RP1L1: variants seen among roughly 807,000 people sequenced by gnomAD.
RP1L1 encodes retinitis pigmentosa 1-like 1 protein.
A neutral mutation model predicts 15.7 loss-of-function variants in RP1L1; 27 were observed. The ratio of observed to expected loss-of-function variants is 1.72; its 90% confidence interval spans 1.27 to 2.38. RP1L1 has a LOEUF of 2.38. Among genes scored for constraint, RP1L1 ranks in the 30% most tolerant of loss-of-function variants. RP1L1 has a pLI of 0.00. For synonymous variants in RP1L1, 1,813 were observed against 1,276.7 expected (o/e 1.42, Z -8.96); for missense variants, 4,798 against 3,075.9 (o/e 1.56, Z -13.24).
At position 10,608,423 on chromosome 8, in the gene RP1L1, G is replaced by T; in HGVS notation, c.5675C>A (p.Thr1892Asn). 1.9e-6 allele frequency: 3 copies of T among 1,606,064 alleles called. No individual in the cohort carries two copies. Among genetic ancestry groups the T allele is most frequent in the East Asian group, 2.2e-5 (1 of 44,506 alleles). The change falls in exon 4 of 4, where the codon ACC (threonine) becomes AAC (asparagine). Residue 1892 changes from threonine (T) to asparagine (N), a missense_variant. Coordinates refer to ENST00000382483, the MANE Select transcript of RP1L1 (RefSeq NM_178857.6). ...EAQPESEDVE[T>N]PEAEWEVQPE... ...CTGGACCTCCCATTCTGCCTCTGGG[G>T]TCTCTACATCTTCTGACTCTGGCTG... is the stretch of plus-strand genomic sequence containing the variant.
In RP1L1 at chr8:10,608,998, G is replaced by A. The variant is rs1035389036; in HGVS notation, c.5100C>T (p.His1700=). ...CCACCTCTGCTGCCTCCCCATCAGTGTGTTCTCCCCTCTTCCTCTGCAGAA... is the reference window on the plus strand; with the variant it reads ...CCACCTCTGCTGCCTCCCCATCAGTATGTTCTCCCCTCTTCCTCTGCAGAA... ...QQILQRKRGE[H]TDGEAAEVAP... Residue 1700 remains histidine, a synonymous_variant, in exon 4 of 4, where the codon CAC becomes CAT. Transcript: ENST00000382483. 2.5e-6 allele frequency: 4 copies of A among 1,613,296 alleles called. No individual in the cohort carries two copies. The highest frequency in any genetic ancestry group is 1.7e-4 in the Middle Eastern group (1 of 6,058).
chr8:10,607,342 GC>G lies in RP1L1; in HGVS notation c.6755del (p.Ser2252ThrfsTer6), dbSNP rs1797721623. 6.2e-7 allele frequency: 1 copy of G among 1,614,154 alleles called. No individual in the cohort carries two copies. The highest frequency in any genetic ancestry group is 1.6e-4 in the Middle Eastern group (1 of 6,062). ...GGCCATCTCCTAGACTGACCTGAGG[GC>G]TCCCCTTTTTCTCACCTTGAGTTTC... ...EGETQGEKKG[S>X]PQVSLGDGQS... On this transcript the variant is annotated frameshift_variant, in exon 4 of 4. Transcript: ENST00000382483. LOFTEE classifies it low-confidence loss of function (END_TRUNC).
intron 2 of RP1L1, among the ~76,000 whole-genome samples, chr8:10,619,125 C>T (rs1798018485): frequency 1.3e-5 from 2 of 152,220 alleles, no homozygotes; most frequent in Non-Finnish European, 1.5e-5. Context: ...CTGCCTCGGC[C>T]TCCCAAAGTG....
chr8:10,612,557 C>CTG lies in RP1L1; in HGVS notation c.1540_1541insCA (p.Gly514AlafsTer9), dbSNP rs1797884786. ...TGTCAGGCGGCCGCCTTGCTCTGGG[C>CTG]CGCCCAGCCCTGCTCCATCTATGCA... On this transcript the variant is annotated frameshift_variant, in exon 4 of 4. Coordinates refer to ENST00000382483, the MANE Select transcript of RP1L1 (RefSeq NM_178857.6). LOFTEE classifies it low-confidence loss of function (END_TRUNC). The CTG allele has an allele frequency of 1.2e-6, 2 of 1,608,580 alleles. No individual in the cohort carries two copies. Among genetic ancestry groups the CTG allele is most frequent in the Non-Finnish European group, 1.7e-6 (2 of 1,179,568 alleles).
chr8:10,632,227 C>G (rs1393670722), intron 1 of RP1L1, among the ~76,000 whole-genome samples: 1 of 152,198 alleles, frequency 6.6e-6, no homozygotes, highest in Admixed American at 6.5e-5. Flanking sequence ...GGGAAATCCC[C>G]CATTTTCCCT....
chr8:10,611,091 G>C lies in RP1L1; in HGVS notation c.3007C>G (p.Leu1003Val). 6.2e-7 allele frequency: 1 copy of C among 1,612,878 alleles called. No homozygotes were observed. Among genetic ancestry groups the C allele is most frequent in the Non-Finnish European group, 8.5e-7 (1 of 1,180,004 alleles). Residue 1003 changes from leucine (L) to valine (V), a missense_variant, in exon 4 of 4, where the codon CTG becomes GTG. Coordinates refer to ENST00000382483, the MANE Select transcript of RP1L1 (RefSeq NM_178857.6). ...TGTCCCGCCTGAGCTGGCTCCCCCA[G>C]GCCTTCCAGAGAATGGTCATCCCCA... ...DPGDDHSLEG[L>V]GEPAQAGQQS...
chr8:10,623,446 G>C (rs1472770071), intron 1 of RP1L1, among the ~76,000 whole-genome samples: 1 of 152,148 alleles, frequency 6.6e-6, no homozygotes, highest in Non-Finnish European at 1.5e-5. Flanking sequence ...GAGCTCAGGA[G>C]TTTGAGGCTG....
chr8:10,610,933 A>G lies in RP1L1; in HGVS notation c.3165T>C (p.Pro1055=), dbSNP rs202226404. The change falls in exon 4 of 4, where the codon CCT becomes CCC. Residue 1055 remains proline (P), a synonymous_variant. Transcript: ENST00000382483. Reference sequence around the variant, plus strand: ...CCTCTCTGTCTGCTCCGGCCTCTGCAGGGGCCTCGGAAACTCCCTCTGGAG... The same window carrying G: ...CCTCTCTGTCTGCTCCGGCCTCTGCGGGGGCCTCGGAAACTCCCTCTGGAG... ...GAAPEGVSEA[P]AEAGADREAP... 15 of 1,611,238 alleles carry G rather than the reference A, an allele frequency of 9.3e-6. No individual in the cohort carries two copies. The East Asian group carries it at 3.3e-4, about 36-fold the overall frequency.
At chr8:10,650,268 C>T (rs1037744483) in intron 1 of RP1L1, among the ~76,000 whole-genome samples, 25 of 152,150 alleles carry the variant, frequency 1.6e-4, no homozygotes, top group Admixed American at 5.2e-4. Flanking sequence ...TCTTACTAGA[C>T]AGGAAAACAA....
In RP1L1 at chr8:10,610,012, T is replaced by G. The variant is rs771371350; in HGVS notation, c.4086A>C (p.Thr1362=). The G allele has an allele frequency of 2.5e-6, 4 of 1,580,748 alleles. No individual in the cohort carries two copies. The highest frequency in any genetic ancestry group is 3.6e-5 in the Admixed American group (2 of 56,334). Residue 1362 remains threonine, a synonymous_variant, in exon 4 of 4, where the codon ACA becomes ACC. Transcript: ENST00000382483. ...EEAQLEEIEE[T]GGEGLQEEGV... ...CCTCTTCTTGCAGCCCTTCTCCTCC[T>G]GTTTCTTCAATTTCCTCTAACTGCG...
intron 1 of RP1L1, among the ~76,000 whole-genome samples, chr8:10,636,121 C>T (rs1308278755): frequency 1.3e-5 from 2 of 152,240 alleles, no homozygotes; most frequent in Non-Finnish European, 2.9e-5. Context: ...TCAGTTCCCT[C>T]ATCTGTCAAA....
intron 2 of RP1L1, among the ~76,000 whole-genome samples, chr8:10,622,218 G>C (rs1798070723): frequency 6.6e-6 from 1 of 151,930 alleles, no homozygotes; most frequent in East Asian, 1.9e-4. Flanking sequence ...CTACTCAGAG[G>C]CTGAGACAGG....
Position 10,631,076 on chromosome 8 carries a change from T to G in RP1L1, c.-19-7856A>C, listed in dbSNP as rs1311348761. Among the ~76,000 whole-genome samples the G allele has an allele frequency of 3.9e-5, 6 of 152,002 alleles. No homozygotes were observed. The East Asian group carries it at 1.2e-3, about 29-fold the overall frequency. On this transcript the variant is annotated intron_variant, in intron 1 of 3. Coordinates refer to ENST00000382483, the MANE Select transcript of RP1L1 (RefSeq NM_178857.6). ...GGAGGTTTGTTTACGGCTGCCACAGTTGGGAGCCATGGTCGACTTCGGAAC... is the reference window on the plus strand; with the variant it reads ...GGAGGTTTGTTTACGGCTGCCACAGGTGGGAGCCATGGTCGACTTCGGAAC...
At chr8:10,651,093 TC>T (rs1354596230) in intron 1 of RP1L1, among the ~76,000 whole-genome samples, 1 of 152,196 alleles carries the variant, frequency 6.6e-6, no homozygotes, top group Non-Finnish European at 1.5e-5. Context: ...GGTTGATAAA[TC>T]AGGAAGCAGG....
Position 10,609,253 on chromosome 8 carries a change from G to T in RP1L1, c.4845C>A (p.Asn1615Lys), listed in dbSNP as rs1459865514. ...GGGTCCGCTCAGAGAAGGCCGAGAG[G>T]TTTCGCAGGCCCCGGAGACGGTGTC... ...QRRHRLRGLR[N>K]LSAFSERTLG... is the part of the protein sequence containing the mutation. The change falls in exon 4 of 4, where the codon AAC becomes AAA. Residue 1615 changes from asparagine (N) to lysine (K), a missense_variant. Coordinates refer to ENST00000382483, the MANE Select transcript of RP1L1 (RefSeq NM_178857.6). 2.9e-5 allele frequency: 47 copies of T among 1,608,996 alleles called. No individual in the cohort carries two copies. The highest frequency in any genetic ancestry group is 3.7e-5 in the Non-Finnish European group (44 of 1,179,726).
rs1797710705 is a variant in RP1L1 at position 10,606,864 on chromosome 8, A to T, written c.*31T>A. On this transcript the variant is annotated 3_prime_UTR_variant, in exon 4 of 4. Coordinates refer to ENST00000382483, the MANE Select transcript of RP1L1 (RefSeq NM_178857.6). ...AATATGAATAAAAACAGAGCTCCCA[A>T]GCTCGTGATTGTTTTCTAGCTTGAT... The T allele has an allele frequency of 6.2e-7, 1 of 1,613,552 alleles. No individual in the cohort carries two copies. Among genetic ancestry groups the T allele is most frequent in the African/African-American group, 1.3e-5 (1 of 74,780 alleles).
chr8:10,607,965 C>T lies in RP1L1; in HGVS notation c.6133G>A (p.Glu2045Lys). ...TCTGACTCTGGCTGGGCATCCCCTT[C>T]TGTCTTCTGGGTCTCCCCTTCAACC... is the stretch of plus-strand genomic sequence containing the variant. ...QEVEGETQKT[E>K]GDAQPESDGV... Residue 2045 changes from glutamate (E) to lysine (K), a missense_variant, in exon 4 of 4, where the codon GAA becomes AAA. Coordinates refer to ENST00000382483, the MANE Select transcript of RP1L1 (RefSeq NM_178857.6). The T allele has an allele frequency of 6.2e-7, 1 of 1,613,324 alleles. No homozygotes were observed. Among genetic ancestry groups the T allele is most frequent in the Non-Finnish European group, 8.5e-7 (1 of 1,179,746 alleles).
chr8:10,608,230 T>C lies in RP1L1; in HGVS notation c.5868A>G (p.Pro1956=), dbSNP rs369417931. 15 of 1,565,160 alleles carry C rather than the reference T, an allele frequency of 9.6e-6. No homozygotes were observed. The African/African-American group carries it at 2.1e-4, about 21-fold the overall frequency. The change falls in exon 4 of 4, where the codon CCA becomes CCG. Residue 1956 remains proline, a synonymous_variant. Coordinates refer to ENST00000382483, the MANE Select transcript of RP1L1 (RefSeq NM_178857.6). ...CCTGGGACTCTATAACTTCTGACTC[T>C]GGCTGGGTCTGCCCTTCTGCCTCCT... The part of the protein sequence containing the change: ...AAQEAEGQTQ[P]ESEVIESQEA...
intron 1 of RP1L1, among the ~76,000 whole-genome samples, chr8:10,626,743 T>G (rs1284355107): frequency 6.6e-6 from 1 of 152,184 alleles, no homozygotes; most frequent in East Asian, 1.9e-4. Context: ...TCTGTGTGTA[T>G]CAAAGTTTGG....
Sources: gnomAD v4.1 joint callset for allele counts (sites outside exome capture counted in the v4.1 genomes callset) on GRCh38, gnomAD v4.1.1 for gene constraint, MANE v1.5 for transcripts, NCBI Gene and HGNC (gene_info 2026-07-23, HGNC 2026-07-21) for gene names.